Variants in INKA2 observed in about 807,000 individuals in gnomAD.
The protein encoded by INKA2 is inka box actin regulator 2.
A neutral mutation model predicts 9.8 loss-of-function variants in INKA2; 3 were observed. The ratio of observed to expected loss-of-function variants is 0.31; its 90% CI spans 0.14 to 0.79. The LOEUF (loss-of-function observed/expected upper bound fraction) is 0.79. Among genes scored for constraint, INKA2 ranks in the 30% least tolerant of loss-of-function variants. The pLI is 0.62. For synonymous variants in INKA2, 147 were observed against 143.3 expected, an observed-to-expected ratio of 1.03 and a Z score of -0.18; for missense variants, 392 against 384.4, an observed-to-expected ratio of 1.02 and a Z score of -0.17.
intron 1 of INKA2, among the ~76,000 whole-genome samples, chr1:111,732,875 C>T (rs1076742): frequency 0.013 from 1,961 of 152,272 alleles, 53 homozygotes; most frequent in African/African-American, 0.045. Context: ...TGAAGGGCCC[C>T]ACACTCATCT....
At chr1:111,735,647 A>T (rs1662993926) in intron 1 of INKA2, among the ~76,000 whole-genome samples, 1 of 152,194 alleles carries the variant, frequency 6.6e-6, no homozygotes, top group Non-Finnish European at 1.5e-5. Flanking sequence ...AGGCATTATG[A>T]GATCCTTTGC....
At chr1:111,752,552 TTG>T (rs985908959) in intron 1 of INKA2, among the ~76,000 whole-genome samples, 4 of 152,240 alleles carry the variant, frequency 2.6e-5, no homozygotes, top group Non-Finnish European at 5.9e-5. Context: ...ATTGCCTACC[TTG>T]TGTTGCTTTG....
rs1662674725 is a variant in INKA2 at position 111,722,725 on chromosome 1, T to G, written c.*4243A>C. The G allele has an allele frequency of 4.5e-6, 1 of 223,312 alleles. No homozygotes were observed. Among genetic ancestry groups the G allele is most frequent in the Non-Finnish European group, 8.9e-6 (1 of 111,760 alleles). 13.8% of individuals were successfully genotyped at this position (223,312 alleles called of 1,614,324 possible). A position where few individuals can be genotyped will look rare whatever the true frequency, so the allele number is the denominator to read the frequency against. ...CAGTGTACAAAAACATGTCACCTAT[T>G]GTCTTCTCTGACCCTTGCTACAATC... On this transcript the variant is annotated 3_prime_UTR_variant, in exon 2 of 2. Coordinates refer to ENST00000357260, the MANE Select transcript of INKA2 (RefSeq NM_019099.5).
chr1:111,731,154 A>G (rs1466569232), intron 1 of INKA2, among the ~76,000 whole-genome samples: 1 of 152,234 alleles, frequency 6.6e-6, no homozygotes, highest in Non-Finnish European at 1.5e-5. Flanking sequence ...GTGGGTATGC[A>G]TGAATTCAAG....
intron 1 of INKA2, among the ~76,000 whole-genome samples, chr1:111,732,359 G>A (rs1005925888): frequency 1.3e-5 from 2 of 152,124 alleles, no homozygotes; most frequent in African/African-American, 4.8e-5. Flanking sequence ...AAAATCCCGA[G>A]CAGACATGAG....
chr1:111,749,561 A>G (rs1392161909), intron 1 of INKA2, among the ~76,000 whole-genome samples: 2 of 152,214 alleles, frequency 1.3e-5, no homozygotes, highest in Admixed American at 1.3e-4. Context: ...CTCTCTTTTC[A>G]GGAAGTGGGT....
chr1:111,735,286 T>C (rs569617222), intron 1 of INKA2, among the ~76,000 whole-genome samples: 1 of 152,364 alleles, frequency 6.6e-6, no homozygotes, highest in South Asian at 2.1e-4. Context: ...TATGTATGAA[T>C]GACTCTTACG....
rs1044268858 is a variant in INKA2, at chr1:111,723,031, C to A, written c.*3937G>T. Reference sequence around the variant, plus strand: ...ATCAAGCAACATGCTCAAGCTTCCACAGTGACAGAGGGGGCTCTCAAATCT... The same window carrying A: ...ATCAAGCAACATGCTCAAGCTTCCAAAGTGACAGAGGGGGCTCTCAAATCT... On this transcript the variant is annotated 3_prime_UTR_variant, in exon 2 of 2. Transcript: ENST00000357260. 44 of 701,080 alleles carry A rather than the reference C, an allele frequency of 6.3e-5. No individual in the cohort carries two copies. The highest frequency in any genetic ancestry group is 7.8e-6 in the Non-Finnish European group (3 of 384,240). 43.4% of individuals were successfully genotyped at this position (701,080 alleles called of 1,614,324 possible).
intron 1 of INKA2, among the ~76,000 whole-genome samples, chr1:111,749,394 G>A (rs1354424786): frequency 1.3e-5 from 2 of 151,634 alleles, no homozygotes; most frequent in Non-Finnish European, 2.9e-5. Flanking sequence ...CTGTGTGGGT[G>A]TGAGGTAACT....
At chr1:111,747,815 C>T (rs1663307232) in intron 1 of INKA2, 1 of 149,678 alleles carries the variant, frequency 6.7e-6, no homozygotes, top group Admixed American at 6.6e-5. Flanking sequence ...AATGTGTATC[C>T]ATATATGTGT....
At chr1:111,745,042 C>T (rs1469657486) in intron 1 of INKA2, among the ~76,000 whole-genome samples, 1 of 151,702 alleles carries the variant, frequency 6.6e-6, no homozygotes, top group African/African-American at 2.4e-5. Flanking sequence ...CTCATCTGAA[C>T]AGTTTTCAAG....
intron 1 of INKA2, 46 bp downstream of exon 1, chr1:111,739,140 C>G (rs1291539051): frequency 2.5e-6 from 4 of 1,587,032 alleles, no homozygotes; most frequent in Non-Finnish European, 3.5e-6. Context: ...AGGTGCCCGT[C>G]GGGGCGGAGC....
rs202157291 is a variant in INKA2, at chr1:111,727,308, C to A, written c.554G>T (p.Gly185Val). 1.4e-5 allele frequency: 22 copies of A among 1,614,058 alleles called. No individual in the cohort carries two copies. Among genetic ancestry groups the A allele is most frequent in the Non-Finnish European group, 1.9e-5 (22 of 1,180,032 alleles). ...LEKGGEKGET[G>V]GAREPKGEKG... ...CTCTCCTTTGGGTTCACGTGCCCCC[C>A]CAGTCTCACCCTTCTCCCCACCCTT... Residue 185 changes from glycine to valine, a missense_variant, in exon 2 of 2, where the codon GGG becomes GTG. Transcript: ENST00000357260.
intron 1 of INKA2, among the ~76,000 whole-genome samples, chr1:111,750,318 T>A (rs766269712): frequency 2.0e-5 from 3 of 152,198 alleles, no homozygotes; most frequent in Non-Finnish European, 4.4e-5. Flanking sequence ...AGTCACCCCA[T>A]AAGCCATGAG....
chr1:111,747,696 G>C (rs1322066865), intron 1 of INKA2: 1 of 152,208 alleles, frequency 6.6e-6, no homozygotes, highest in Non-Finnish European at 1.5e-5. Context: ...CCTCATCCCA[G>C]TATCCTCCCT....
chr1:111,731,357 T>C (rs1255680284), intron 1 of INKA2, among the ~76,000 whole-genome samples: 1 of 144,822 alleles, frequency 6.9e-6, no homozygotes, highest in East Asian at 2.0e-4. Flanking sequence ...TTCTCCATGC[T>C]TTTTTTTTTT....
chr1:111,730,616 C>G (rs995368105), intron 1 of INKA2, among the ~76,000 whole-genome samples: 1 of 152,114 alleles, frequency 6.6e-6, no homozygotes, highest in East Asian at 1.9e-4. Flanking sequence ...AGGAATATCC[C>G]TACTCCCTGA....
rs375770067 is a variant in INKA2, at chr1:111,728,626, G to A, written c.58-822C>T. 1.8e-3 allele frequency among the ~76,000 whole-genome samples: 268 copies of A among 152,140 alleles called. 1 individual carries two copies. The highest frequency in any genetic ancestry group is 6.8e-3 in the Middle Eastern group (2 of 294). On this transcript the variant is annotated intron_variant, in intron 1 of 1. Transcript: ENST00000357260. Reference sequence around the variant, plus strand: ...TCTACCCTGACCTCATGTGACAAGCGGAAGCCAAAACACAGTCAAAACTCT... The same window carrying A: ...TCTACCCTGACCTCATGTGACAAGCAGAAGCCAAAACACAGTCAAAACTCT...
intron 1 of INKA2, among the ~76,000 whole-genome samples, chr1:111,732,568 TACACACACAC>T (rs3085876): frequency 2.1e-5 from 3 of 142,860 alleles, no homozygotes; most frequent in South Asian, 2.3e-4. Flanking sequence ...CTCTCTCTGT[TACACACACAC>T]ACACACACAC....
Sources: gnomAD v4.1 joint callset for allele counts (sites outside exome capture counted in the v4.1 genomes callset) on GRCh38, gnomAD v4.1.1 for gene constraint, MANE v1.5 for transcripts, NCBI Gene and HGNC (gene_info 2026-07-23, HGNC 2026-07-21) for gene names.